FUNDC2: variants seen among roughly 807,000 people sequenced by gnomAD.
FUNDC2 encodes the protein FUN14 domain containing 2, also known as FUN14 domain-containing protein 2.
In FUNDC2, 4 loss-of-function variants were observed where a neutral mutation model predicts 15.6. That is an observed-to-expected ratio of 0.26 (90% CI 0.13 to 0.59). The LOEUF (loss-of-function observed/expected upper bound fraction) is 0.59. Among genes scored for constraint, FUNDC2 ranks in the 20% least tolerant of loss-of-function variants. FUNDC2 has a pLI of 0.90. For missense variants in FUNDC2, 98 were observed against 149.7 expected, an observed-to-expected ratio of 0.65 and a Z score of 1.80; for synonymous variants, 44 against 56.9, an observed-to-expected ratio of 0.77 and a Z score of 1.02.
Position 155,058,433 on chromosome X carries a change from G to C in FUNDC2, c.*3761G>C, listed in dbSNP as rs2073916231. On this transcript the variant is annotated 3_prime_UTR_variant, in exon 5 of 5. Transcript: ENST00000369498. ...TATTTGGAACCTCTACTTTTGTACAGTTTGGGAATCTCTGCTTGAAAAGAT... is the reference window on the plus strand; with the variant it reads ...TATTTGGAACCTCTACTTTTGTACACTTTGGGAATCTCTGCTTGAAAAGAT... The C allele has an allele frequency of 9.0e-6, 1 of 111,220 alleles. No homozygotes were observed. Among genetic ancestry groups the C allele is most frequent in the African/African-American group, 3.3e-5 (1 of 30,479 alleles). 9.2% of individuals were successfully genotyped at this position (111,220 alleles called of 1,213,427 possible).
intron 2 of FUNDC2, among the ~76,000 whole-genome samples, chrX:155,040,372 G>T (rs1370344788): frequency 8.9e-6 from 1 of 111,827 alleles, no homozygotes; most frequent in Non-Finnish European, 1.9e-5. Context: ...ACCACAGTCT[G>T]CTTTCTGTCC....
At chrX:155,046,631 A>C in intron 3 of FUNDC2, 47 bp downstream of exon 3, 1 of 1,007,275 alleles carries the variant, frequency 9.9e-7, no homozygotes, top group Non-Finnish European at 1.4e-6. Context: ...CCACCTGCCC[A>C]TTAAGGAATG....
chrX:155,046,384 T>G, intron 2 of FUNDC2, 125 bp from the exon 3 acceptor site: 1 of 569,240 alleles, frequency 1.8e-6, no homozygotes, highest in Non-Finnish European at 3.1e-6. Context: ...GGGGCTGGCT[T>G]TATGTAGGGG....
At chrX:155,042,281 G>A (rs1336671029) in intron 2 of FUNDC2, among the ~76,000 whole-genome samples, 2 of 95,560 alleles carry the variant, frequency 2.1e-5, no homozygotes, top group Non-Finnish European at 4.1e-5. Flanking sequence ...CCACCTTCCA[G>A]GTTCAGGTGA....
chrX:155,046,674 T>C, intron 3 of FUNDC2, 90 bp downstream of exon 3: 1 of 703,252 alleles, frequency 1.4e-6, no homozygotes, highest in Non-Finnish European at 2.3e-6. Flanking sequence ...GTCCTGGCTA[T>C]GTCACACTAG....
chrX:155,055,033 A>G lies in FUNDC2; in HGVS notation c.*361A>G. On this transcript the variant is annotated 3_prime_UTR_variant, in exon 5 of 5. Transcript: ENST00000369498. ...GGTTGTCCCAAACTGTTGATTTGGA[A>G]AAGAAATAAGCACATAGATAACCTT... is the stretch of plus-strand genomic sequence containing the variant. The G allele has an allele frequency of 3.1e-6, 1 of 322,669 alleles. No homozygotes were observed. Among genetic ancestry groups the G allele is most frequent in the Non-Finnish European group, 5.4e-6 (1 of 185,533 alleles). 26.6% of individuals were successfully genotyped at this position (322,669 alleles called of 1,213,427 possible).
In FUNDC2 at chrX:155,046,533, G is replaced by A; in HGVS notation, c.309G>A (p.Lys103=). 2 of 1,211,204 alleles carry A rather than the reference G, an allele frequency of 1.7e-6. No individual in the cohort carries two copies. Among genetic ancestry groups the A allele is most frequent in the Non-Finnish European group, 2.2e-6 (2 of 894,941 alleles). The change falls in exon 3 of 5, where the codon AAG becomes AAA. Residue 103 remains lysine, a synonymous_variant. Coordinates refer to ENST00000369498, the MANE Select transcript of FUNDC2 (RefSeq NM_023934.4). ...GGTGCACAGGTTTCATATTCCAGAA[G>A]GTTGGAAAGTTGGCTGCAACAGCTG... ...TGWCTGFIFQ[K]VGKLAATAVG...
Position 155,059,362 on chromosome X carries a change from C to A in FUNDC2, c.*4690C>A, listed in dbSNP as rs2073919295. 9.0e-6 allele frequency: 1 copy of A among 111,599 alleles called. No homozygotes were observed. Among genetic ancestry groups the A allele is most frequent in the Admixed American group, 9.5e-5 (1 of 10,573 alleles). 9.2% of individuals were successfully genotyped at this position (111,599 alleles called of 1,213,427 possible). A position where few individuals can be genotyped will look rare whatever the true frequency, so the allele number is the denominator to read the frequency against. ...TGACTTACCCATTACGAAGGGAAAA[C>A]TACCTTTCTAGCTAAAAGGTCTGTC... On this transcript the variant is annotated 3_prime_UTR_variant, in exon 5 of 5. Coordinates refer to ENST00000369498, the MANE Select transcript of FUNDC2 (RefSeq NM_023934.4).
rs781794564 is a variant in FUNDC2 at position 155,052,374 on chromosome X, G to A, written c.492+573G>A. Among the ~76,000 whole-genome samples, 110 of 112,391 alleles carry A rather than the reference G, an allele frequency of 9.8e-4. 1 individual carries two copies. Among genetic ancestry groups the A allele is most frequent in the African/African-American group, 3.4e-3 (105 of 30,943 alleles). Reference sequence around the variant, plus strand: ...TTATGACCTGGCACTGCAGGGACAGGAGAAGTCCTTCCTTTTTAAAAGGAT... The same window carrying A: ...TTATGACCTGGCACTGCAGGGACAGAAGAAGTCCTTCCTTTTTAAAAGGAT... On this transcript the variant is annotated intron_variant, in intron 4 of 4. Transcript: ENST00000369498.
Position 155,051,886 on chromosome X carries a change from G to A in FUNDC2, c.492+85G>A, listed in dbSNP as rs191153545. 4.3e-5 allele frequency: 42 copies of A among 970,785 alleles called. No individual in the cohort carries two copies. The East Asian group carries it at 9.5e-4, about 22-fold the overall frequency. 80.0% of individuals were successfully genotyped at this position (970,785 alleles called of 1,213,427 possible). On this transcript the variant is annotated intron_variant, in intron 4 of 4. Coordinates refer to ENST00000369498, the MANE Select transcript of FUNDC2 (RefSeq NM_023934.4). The stretch of plus-strand genomic sequence containing the variant: ...CCCTATTGTACCATATCTCAGTGAT[G>A]GACAGGGCTTAAGCATTACAAAGAA...
intron 2 of FUNDC2, among the ~76,000 whole-genome samples, chrX:155,043,410 C>T (rs782456270): frequency 5.4e-5 from 6 of 110,438 alleles, no homozygotes; most frequent in African/African-American, 1.3e-4. Context: ...TTTTTTTGAT[C>T]GTGGTATTTT....
chrX:155,047,175 G>C, intron 3 of FUNDC2: 1 of 264,437 alleles, frequency 3.8e-6, no homozygotes, highest in Non-Finnish European at 7.2e-6. Flanking sequence ...TGTGGCATTG[G>C]TATTCAAATT....
intron 1 of FUNDC2, among the ~76,000 whole-genome samples, chrX:155,027,871 A>G (rs2073799965): frequency 8.9e-6 from 1 of 111,797 alleles, no homozygotes; most frequent in Non-Finnish European, 1.9e-5. Flanking sequence ...GTAGTTTCAC[A>G]ATTCAGTAAT....
chrX:155,057,013 GAGGT>G lies in FUNDC2; in HGVS notation c.*2342_*2345del, dbSNP rs2073903745. 4.7e-5 allele frequency: 5 copies of G among 106,053 alleles called. No homozygotes were observed. Among genetic ancestry groups the G allele is most frequent in the African/African-American group, 1.7e-4 (5 of 29,552 alleles). The allele number at this position is 106,053 out of a possible 1,213,427, so 8.7% of individuals were successfully genotyped here. ...CTCTACGACTGTGAGGGTCATGGTT[GAGGT>G]CAGTATTGCAGGTTGGCCTCATCCT... On this transcript the variant is annotated 3_prime_UTR_variant, in exon 5 of 5. Transcript: ENST00000369498.
intron 2 of FUNDC2, among the ~76,000 whole-genome samples, chrX:155,045,783 G>A (rs1200190945): frequency 9.0e-6 from 1 of 111,583 alleles, no homozygotes; most frequent in Non-Finnish European, 1.9e-5. Flanking sequence ...AATGGTTAAT[G>A]ATTACAGCTG....
At chrX:155,046,392 G>T (rs782016514) in intron 2 of FUNDC2, 117 bp from the exon 3 acceptor site, 13 of 599,671 alleles carry the variant, frequency 2.2e-5, no homozygotes, top group Non-Finnish European at 3.7e-5. Flanking sequence ...CTTTATGTAG[G>T]GGGTAGGAAG....
At chrX:155,039,012 T>C (rs906048245) in intron 2 of FUNDC2, among the ~76,000 whole-genome samples, 1 of 112,422 alleles carries the variant, frequency 8.9e-6, no homozygotes, top group Non-Finnish European at 1.9e-5. Context: ...CACCAACACT[T>C]GTTATCTCTT....
At chrX:155,036,609 G>A (rs946535689) in intron 2 of FUNDC2, among the ~76,000 whole-genome samples, 1 of 110,978 alleles carries the variant, frequency 9.0e-6, no homozygotes, top group Non-Finnish European at 1.9e-5. Flanking sequence ...ATTGTATATA[G>A]GTTCGGATTT....
In FUNDC2 at chrX:155,051,742, C is replaced by G; in HGVS notation, c.433C>G (p.Gln145Glu). The G allele has an allele frequency of 8.3e-7, 1 of 1,210,200 alleles. No homozygotes were observed. Among genetic ancestry groups the G allele is most frequent in the Non-Finnish European group, 1.1e-6 (1 of 893,975 alleles). ...GAAGGACATGAAGAAAGCCAAAGAGCAGCTGAAGATCCGTAAGAGCAATCA... is the reference window on the plus strand; with the variant it reads ...GAAGGACATGAAGAAAGCCAAAGAGGAGCTGAAGATCCGTAAGAGCAATCA... ...VEKDMKKAKEQLKIRKSNQIP... is the reference protein window; with the variant it reads ...VEKDMKKAKEELKIRKSNQIP... The change falls in exon 4 of 5, where the codon CAG (glutamine) becomes GAG (glutamate). Residue 145 changes from glutamine (Q) to glutamate (E), a missense_variant. Physicochemically the swap from Gln to Glu is conservative, Grantham distance 29 (BLOSUM62 2). Transcript: ENST00000369498.
Sources: allele counts gnomAD v4.1 joint callset (sites outside exome capture counted in the v4.1 genomes callset), GRCh38; gene constraint gnomAD v4.1.1; transcripts MANE v1.5; gene names NCBI Gene and HGNC (gene_info 2026-07-23, HGNC 2026-07-21).